PPP1R3A: variants seen among roughly 807,000 people sequenced by gnomAD.
The protein encoded by PPP1R3A is protein phosphatase 1 regulatory subunit 3A.
PPP1R3A carries 29 observed loss-of-function variants against 41.7 expected under a neutral mutation model. That is an observed-to-expected ratio of 0.70 (90% CI 0.52 to 0.95). The LOEUF (loss-of-function observed/expected upper bound fraction) is 0.95, where lower values mean the gene tolerates loss of function less well. Ranked by LOEUF, PPP1R3A falls within the 40% of genes least tolerant of loss-of-function variation. The probability of loss-of-function intolerance (pLI) is 0.00; values close to 1 mark genes in which losing one functional copy is unlikely to be tolerated. For synonymous variants in PPP1R3A, 485 were observed against 453.4 expected (o/e 1.07, Z -0.89); for missense variants, 1,352 against 1,292.4 (o/e 1.05, Z -0.71).
chr7:113,913,786 A>G (rs986865592), intron 1 of PPP1R3A, among the ~76,000 whole-genome samples: 2 of 152,096 alleles, frequency 1.3e-5, no homozygotes, highest in African/African-American at 4.8e-5. Flanking sequence ...GAAAACCTCA[A>G]GTGGAAATAA....
intron 1 of PPP1R3A, among the ~76,000 whole-genome samples, chr7:113,882,912 CTT>C (rs1185979186): frequency 1.3e-5 from 2 of 151,976 alleles, no homozygotes; most frequent in African/African-American, 2.4e-5. Context: ...AGTTAAAAGA[CTT>C]TATATATGTA....
Position 113,879,488 on chromosome 7 carries a change from T to C in PPP1R3A, c.1604A>G (p.Gln535Arg), listed in dbSNP as rs752471776. ...GVNEKQRKNF[Q>R]TILHDQERKM... ...CCTTTCTTGGTCATGTAAGATTGTT[T>C]GGAAATTTTTTCTTTGTTTTTCATT... The change falls in exon 4 of 4, where the codon CAA (glutamine) becomes CGA (arginine). Residue 535 changes from glutamine (Q) to arginine (R), a missense_variant. Gln to Arg is a conservative substitution (Grantham distance 43). Coordinates refer to ENST00000284601, the MANE Select transcript of PPP1R3A (RefSeq NM_002711.4). The C allele has an allele frequency of 6.2e-7, 1 of 1,613,378 alleles. No homozygotes were observed. Among genetic ancestry groups the C allele is most frequent in the South Asian group, 1.1e-5 (1 of 91,066 alleles).
At chr7:113,915,596 T>C (rs1414636559) in intron 1 of PPP1R3A, among the ~76,000 whole-genome samples, 1 of 148,852 alleles carries the variant, frequency 6.7e-6, no homozygotes, top group Non-Finnish European at 1.5e-5. Flanking sequence ...CATACATATA[T>C]ACATATACAT....
At chr7:113,894,418 A>G (rs113035287) in intron 1 of PPP1R3A, among the ~76,000 whole-genome samples, 65 of 152,064 alleles carry the variant, frequency 4.3e-4, no homozygotes, top group Middle Eastern at 3.4e-3. Context: ...TTATTGGCCT[A>G]AAGTCCTTAT....
Position 113,877,147 on chromosome 7 carries a change from T to C in PPP1R3A, c.*576A>G, listed in dbSNP as rs1796579377. On this transcript the variant is annotated 3_prime_UTR_variant, in exon 4 of 4. Transcript: ENST00000284601. ...TGTGTGTGTGTGCATGCATCAAGTA[T>C]TACACTCAAGTGAACAGAATATGTT... 1 of 151,926 alleles carries C rather than the reference T, an allele frequency of 6.6e-6. No individual in the cohort carries two copies. The highest frequency in any genetic ancestry group is 1.5e-5 in the Non-Finnish European group (1 of 67,932). The allele number at this position is 151,926 out of a possible 1,614,324, so 9.4% of individuals were successfully genotyped here.
rs115805658 is a variant in PPP1R3A, at chr7:113,889,188, G to A, written c.783-6868C>T. On this transcript the variant is annotated intron_variant, in intron 1 of 3. Transcript: ENST00000284601. The stretch of plus-strand genomic sequence containing the variant: ...TCTCACTGCCCCACTGGATTTAGCT[G>A]CTCCTCCTTAGATGATAGACAGGTG... Among the ~76,000 whole-genome samples the A allele has an allele frequency of 3.1e-3, 471 of 152,270 alleles. 3 individuals are homozygous for A. Among genetic ancestry groups the A allele is most frequent in the African/African-American group, 0.011 (439 of 41,572 alleles).
At chr7:113,883,602 C>G (rs1272784863) in intron 1 of PPP1R3A, among the ~76,000 whole-genome samples, 1 of 151,624 alleles carries the variant, frequency 6.6e-6, no homozygotes, top group Non-Finnish European at 1.5e-5. Context: ...TTTATGAATC[C>G]ATATTGCTTA....
At position 113,898,747 on chromosome 7, in the gene PPP1R3A, A is replaced by C. The variant is rs571684297; in HGVS notation, c.783-16427T>G. Among the ~76,000 whole-genome samples the C allele has an allele frequency of 4.6e-5, 7 of 151,932 alleles. No homozygotes were observed. In the South Asian group the frequency reaches 1.5e-3, roughly 31 times the overall value. ...TTCTAGGATGACCCTAGCCATACTT[A>C]AAGTGCCTGCTTCAGAAAGCTCAAG... On this transcript the variant is annotated intron_variant, in intron 1 of 3. Transcript: ENST00000284601.
chr7:113,886,412 A>T (rs1257934961), intron 1 of PPP1R3A, among the ~76,000 whole-genome samples: 2 of 152,118 alleles, frequency 1.3e-5, no homozygotes, highest in African/African-American at 4.8e-5. Flanking sequence ...GCTGCCACCC[A>T]TGTAAGATGT....
chr7:113,881,522 T>C (rs965504352), intron 3 of PPP1R3A, among the ~76,000 whole-genome samples: 2 of 151,852 alleles, frequency 1.3e-5, no homozygotes, highest in Admixed American at 1.3e-4. Flanking sequence ...TGTTTCCTGT[T>C]TTAAAATTAT....
Position 113,879,837 on chromosome 7 carries a change from A to G in PPP1R3A, c.1255T>C (p.Leu419=), listed in dbSNP as rs759728530. ...TSNMGEIKPS[L]GDTSSDELVQ... ...AGTTCATCACTACTAGTATCTCCCA[A>G]TGATGGCTTGATTTCTCCCATATTT... Residue 419 remains leucine (L), a synonymous_variant, in exon 4 of 4, where the codon TTG becomes CTG. Coordinates refer to ENST00000284601, the MANE Select transcript of PPP1R3A (RefSeq NM_002711.4). 2.5e-6 allele frequency: 4 copies of G among 1,613,512 alleles called. No homozygotes were observed. In the South Asian group the frequency reaches 3.3e-5, roughly 13 times the overall value.
intron 1 of PPP1R3A, among the ~76,000 whole-genome samples, chr7:113,899,512 C>T (rs1343345397): frequency 1.3e-5 from 2 of 151,774 alleles, no homozygotes; most frequent in South Asian, 4.2e-4. Context: ...GCCACATTTT[C>T]CAAAGTGTTA....
chr7:113,914,024 G>C (rs1032564671), intron 1 of PPP1R3A, among the ~76,000 whole-genome samples: 1 of 152,040 alleles, frequency 6.6e-6, no homozygotes, highest in East Asian at 1.9e-4. Context: ...AACATTTGTT[G>C]AATAAGTTTT....
intron 3 of PPP1R3A, 117 bp downstream of exon 3, chr7:113,881,922 T>A (rs1796700603): frequency 1.7e-6 from 2 of 1,184,320 alleles, no homozygotes; most frequent in South Asian, 2.5e-5. Flanking sequence ...CAGAATAGGC[T>A]GTGCTTTCAC....
At chr7:113,910,651 T>C (rs1470384334) in intron 1 of PPP1R3A, among the ~76,000 whole-genome samples, 1 of 152,138 alleles carries the variant, frequency 6.6e-6, no homozygotes, top group Non-Finnish European at 1.5e-5. Context: ...TTTTCAAATA[T>C]AGTTTGTGAA....
In PPP1R3A at chr7:113,878,462, GA is replaced by G; in HGVS notation, c.2629del (p.Ser877GlnfsTer58). ...GMLPTDKTVF[S>X]ENRDLRQVQE... ...AACCTGCCTAAGATCTCTGTTTTCTGAAAATACAGTTTTGTCTGTTGGTAAC... is the reference window on the plus strand; with the variant it reads ...AACCTGCCTAAGATCTCTGTTTTCTGAAATACAGTTTTGTCTGTTGGTAAC... On this transcript the variant is annotated frameshift_variant, in exon 4 of 4. Transcript: ENST00000284601. LOFTEE classifies it low-confidence loss of function (END_TRUNC). 1 of 1,612,806 alleles carries G rather than the reference GA, an allele frequency of 6.2e-7. No individual in the cohort carries two copies. The highest frequency in any genetic ancestry group is 1.1e-5 in the South Asian group (1 of 91,060).
chr7:113,885,418 C>A (rs987742612), intron 1 of PPP1R3A, among the ~76,000 whole-genome samples: 1 of 152,114 alleles, frequency 6.6e-6, no homozygotes, highest in African/African-American at 2.4e-5. Context: ...ATTTGACCGA[C>A]ATTATCTTCA....
chr7:113,886,767 C>A (rs1424443541), intron 1 of PPP1R3A, among the ~76,000 whole-genome samples: 1 of 151,942 alleles, frequency 6.6e-6, no homozygotes, highest in Admixed American at 6.6e-5. Flanking sequence ...GTCATATGAC[C>A]AATTAGATCT....
At chr7:113,908,511 A>G (rs931615487) in intron 1 of PPP1R3A, among the ~76,000 whole-genome samples, 1 of 152,022 alleles carries the variant, frequency 6.6e-6, no homozygotes, top group African/African-American at 2.4e-5. Flanking sequence ...CTTTTAGTTA[A>G]AATTATACAT....
Sources: allele counts gnomAD v4.1 joint callset (sites outside exome capture counted in the v4.1 genomes callset), GRCh38; gene constraint gnomAD v4.1.1; transcripts MANE v1.5; gene names NCBI Gene and HGNC (gene_info 2026-07-23, HGNC 2026-07-21).